Variants in ANKDD1B observed in about 807,000 individuals in gnomAD.
ANKDD1B encodes ankyrin repeat and death domain-containing protein 1B.
A neutral mutation model predicts 59.7 loss-of-function variants in ANKDD1B; 57 were observed. The ratio of observed to expected loss-of-function variants is 0.95; its 90% CI spans 0.77 to 1.19. The LOEUF (loss-of-function observed/expected upper bound fraction) is 1.19. Ranked by LOEUF, ANKDD1B falls within the 50% of genes most tolerant of loss-of-function variation. The pLI is 0.00. For missense variants in ANKDD1B, 602 were observed against 641.9 expected (o/e 0.94, Z 0.67); for synonymous variants, 216 against 239.5 (o/e 0.90, Z 0.91).
chr5:75,656,091 A>G lies in ANKDD1B; in HGVS notation c.960A>G (p.Leu320=). The change falls in exon 9 of 14, where the codon TTA becomes TTG. Residue 320 remains leucine (L), a synonymous_variant. Transcript: ENST00000601380. ...ACCACATCACGGTTGTAAACAGTTT[A>G]TTAAGTGCACAGCATGATATTGACA... ...INNHITVVNS[L]LSAQHDIDIL... 6.5e-7 allele frequency: 1 copy of G among 1,528,310 alleles called. No individual in the cohort carries two copies. The highest frequency in any genetic ancestry group is 8.8e-7 in the Non-Finnish European group (1 of 1,139,994). The allele number at this position is 1,528,310 out of a possible 1,614,324, so 94.7% of individuals were successfully genotyped here.
At chr5:75,648,242 T>TA (rs1318821819) in intron 7 of ANKDD1B, among the ~76,000 whole-genome samples, 1 of 40,404 alleles carries the variant, frequency 2.5e-5, no homozygotes, top group Non-Finnish European at 5.4e-5. Context: ...CCCTAAAACT[T>TA]AAAGTATAAT....
intron 1 of ANKDD1B, 103 bp downstream of exon 1, chr5:75,611,930 G>A: frequency 1.0e-6 from 1 of 1,001,120 alleles, no homozygotes; most frequent in Non-Finnish European, 1.3e-6. Context: ...GCTGCAGGAG[G>A]GAAACTGGCG....
intron 2 of ANKDD1B, among the ~76,000 whole-genome samples, chr5:75,617,219 C>T (rs1170005948): frequency 2.0e-5 from 3 of 152,146 alleles, no homozygotes; most frequent in Non-Finnish European, 1.5e-5. Flanking sequence ...GGATTGTCGC[C>T]TGTGGATCAG....
At chr5:75,640,017 A>G (rs1774421747) in intron 7 of ANKDD1B, among the ~76,000 whole-genome samples, 2 of 152,108 alleles carry the variant, frequency 1.3e-5, no homozygotes, top group South Asian at 4.1e-4. Flanking sequence ...ATACTGTACT[A>G]TAATTCCTTA....
Position 75,650,514 on chromosome 5 carries a change from T to C in ANKDD1B, c.799-2628T>C, listed in dbSNP as rs568985678. On this transcript the variant is annotated intron_variant, in intron 7 of 13. Transcript: ENST00000601380. ...TGGGATCCATTTCGGACTTCTGACC[T>C]CCAGAACTATAAAATAAAACATTTT... 7.9e-4 allele frequency among the ~76,000 whole-genome samples: 120 copies of C among 152,302 alleles called. No homozygotes were observed. The Middle Eastern group carries it at 0.01, about 13-fold the overall frequency.
rs960936841 is a variant in ANKDD1B, at chr5:75,659,353, C to A, written c.1067C>A (p.Ala356Glu). ...GAACTGGTGGAAACCCTGCTGAAGGCAGGCTGTGACTTGAAGGCTGTTGAC... is the reference window on the plus strand; with the variant it reads ...GAACTGGTGGAAACCCTGCTGAAGGAAGGCTGTGACTTGAAGGCTGTTGAC... ...NVELVETLLK[A>E]GCDLKAVDKQ... is the part of the protein sequence containing the mutation. The change falls in exon 10 of 14, where the codon GCA becomes GAA. Residue 356 changes from alanine (A) to glutamate (E), a missense_variant. Ala to Glu is a moderately radical substitution (Grantham distance 107). Around this residue, in one of 3 missense-constraint regions of ANKDD1B, gnomAD observed 280 missense variants for 319.8 expected, o/e 0.88. Transcript: ENST00000601380. 1 of 1,536,038 alleles carries A rather than the reference C, an allele frequency of 6.5e-7. No homozygotes were observed. Among genetic ancestry groups the A allele is most frequent in the Non-Finnish European group, 8.7e-7 (1 of 1,146,826 alleles).
At chr5:75,663,726 G>A (rs1325711997) in intron 11 of ANKDD1B, among the ~76,000 whole-genome samples, 1 of 152,226 alleles carries the variant, frequency 6.6e-6, no homozygotes, top group Non-Finnish European at 1.5e-5. Context: ...AGGGCCAAGC[G>A]GCATTGACCA....
At chr5:75,656,942 C>T (rs1173837990) in intron 9 of ANKDD1B, among the ~76,000 whole-genome samples, 1 of 152,180 alleles carries the variant, frequency 6.6e-6, no homozygotes, top group Non-Finnish European at 1.5e-5. Context: ...CCTCCAATTC[C>T]CACCTATGAG....
In ANKDD1B at chr5:75,616,914, A is replaced by G. The variant is rs1462351488; in HGVS notation, c.297+7A>G. On this transcript the variant is annotated splice_region_variant and intron_variant, in intron 2 of 13. Transcript: ENST00000601380. ...CATTAATGTTGTGAACAATGTGAGT[A>G]GAAGTCATAAATATGACAAGTGACT... 2 of 1,379,840 alleles carry G rather than the reference A, an allele frequency of 1.4e-6. No individual in the cohort carries two copies. The highest frequency in any genetic ancestry group is 2.0e-6 in the Non-Finnish European group (2 of 1,009,558). The allele number at this position is 1,379,840 out of a possible 1,614,324, so 85.5% of individuals were successfully genotyped here. A position where few individuals can be genotyped will look rare whatever the true frequency, so the allele number is the denominator to read the frequency against.
chr5:75,665,711 C>A (rs1775287671), intron 11 of ANKDD1B, among the ~76,000 whole-genome samples: 1 of 152,154 alleles, frequency 6.6e-6, no homozygotes, highest in Admixed American at 6.5e-5. Flanking sequence ...CCGGGAGGAG[C>A]TTATTGCATT....
intron 7 of ANKDD1B, among the ~76,000 whole-genome samples, chr5:75,640,232 A>G (rs979799351): frequency 6.6e-6 from 1 of 151,968 alleles, no homozygotes; most frequent in African/African-American, 2.4e-5. Flanking sequence ...TTTTGTAGAG[A>G]TGGGGCTTTG....
At chr5:75,647,759 C>A (rs1243094727) in intron 7 of ANKDD1B, among the ~76,000 whole-genome samples, 1 of 133,472 alleles carries the variant, frequency 7.5e-6, no homozygotes, top group South Asian at 2.4e-4. Context: ...TGGGTATATA[C>A]CCAAATGACT....
Position 75,665,061 on chromosome 5 carries a change from C to G in ANKDD1B, c.1191+1572C>G, listed in dbSNP as rs531554755. 1.6e-4 allele frequency among the ~76,000 whole-genome samples: 24 copies of G among 152,288 alleles called. No homozygotes were observed. The East Asian group carries it at 4.4e-3, about 28-fold the overall frequency. Reference sequence around the variant, plus strand: ...CTCTCATATCCATTTATCCATTAACCTAACCACCCAATCATCCATTATTAA... The same window carrying G: ...CTCTCATATCCATTTATCCATTAACGTAACCACCCAATCATCCATTATTAA... On this transcript the variant is annotated intron_variant, in intron 11 of 13. Coordinates refer to ENST00000601380, the MANE Select transcript of ANKDD1B (RefSeq NM_001276713.2).
At chr5:75,648,347 C>T (rs1404119959) in intron 7 of ANKDD1B, among the ~76,000 whole-genome samples, 12 of 151,126 alleles carry the variant, frequency 7.9e-5, no homozygotes, top group Non-Finnish European at 1.5e-4. Flanking sequence ...CCTCTACAGT[C>T]ATTACACAGG....
In ANKDD1B at chr5:75,655,127, T is replaced by C. The variant is rs190225277; in HGVS notation, c.898-902T>C. Among the ~76,000 whole-genome samples the C allele has an allele frequency of 1.1e-3, 162 of 152,324 alleles. 1 individual carries two copies. The highest frequency in any genetic ancestry group is 7.4e-3 in the Admixed American group (113 of 15,300). On this transcript the variant is annotated intron_variant, in intron 8 of 13. Coordinates refer to ENST00000601380, the MANE Select transcript of ANKDD1B (RefSeq NM_001276713.2). The stretch of plus-strand genomic sequence containing the variant: ...CAGGCCAGTGGCAGCTGGGTGGGAC[T>C]GTAGCAGCACAGGAGCCTGGAGGCA...
rs574361087 is a variant in ANKDD1B, at chr5:75,626,160, A to T, written c.600+205A>T. Among the ~76,000 whole-genome samples the T allele has an allele frequency of 3.9e-5, 6 of 152,254 alleles. No homozygotes were observed. In the South Asian group the frequency reaches 1.2e-3, roughly 32 times the overall value. ...GGCCCCTGCTTGTAGGGAGAACAGG[A>T]AATGTTGAGGAAGCAGCCAGATTCC... On this transcript the variant is annotated intron_variant, in intron 5 of 13. Coordinates refer to ENST00000601380, the MANE Select transcript of ANKDD1B (RefSeq NM_001276713.2).
chr5:75,625,172 C>T (rs930928684), intron 3 of ANKDD1B, among the ~76,000 whole-genome samples: 11 of 152,090 alleles, frequency 7.2e-5, no homozygotes, highest in Admixed American at 5.2e-4. Context: ...AAACAATAAT[C>T]ATTTCCATTT....
intron 5 of ANKDD1B, among the ~76,000 whole-genome samples, chr5:75,626,316 A>G (rs1197323325): frequency 6.6e-6 from 1 of 152,260 alleles, no homozygotes; most frequent in African/African-American, 2.4e-5. Flanking sequence ...ACCCAAAGCT[A>G]TACAGTAATG....
chr5:75,658,362 T>A (rs535890564), intron 9 of ANKDD1B, among the ~76,000 whole-genome samples: 2 of 152,314 alleles, frequency 1.3e-5, no homozygotes, highest in Middle Eastern at 6.8e-3. Context: ...TTGGGCTAGA[T>A]CACATCAAAG....
Sources: allele counts gnomAD v4.1 joint callset (sites outside exome capture counted in the v4.1 genomes callset), GRCh38; gene constraint gnomAD v4.1.1; regional missense constraint gnomAD v4.1.1; transcripts MANE v1.5; gene names NCBI Gene and HGNC (gene_info 2026-07-23, HGNC 2026-07-21).